The following LPCAT2 variants were observed in gnomAD, a reference collection of about 807,000 sequenced individuals.
LPCAT2 encodes lysophosphatidylcholine acyltransferase 2, also known as 1-AGP acyltransferase 11.
A neutral mutation model predicts 64.7 loss-of-function variants in LPCAT2; 58 were observed. The ratio of observed to expected loss-of-function variants is 0.90; its 90% confidence interval spans 0.73 to 1.12. The LOEUF (loss-of-function observed/expected upper bound fraction) is 1.12. LPCAT2 is among the 50% of genes most tolerant of loss of function. The pLI is 0.00. For synonymous variants in LPCAT2, 252 were observed against 245.3 expected (o/e 1.03, Z -0.26); for missense variants, 579 against 669.8 (o/e 0.86, Z 1.50).
At position 55,545,775 on chromosome 16, in the gene LPCAT2, A is replaced by G. The variant is rs1205088539; in HGVS notation, c.893A>G (p.Asp298Gly). 1 of 1,613,424 alleles carries G rather than the reference A, an allele frequency of 6.2e-7. No individual in the cohort carries two copies. Among genetic ancestry groups the G allele is most frequent in the Admixed American group, 1.7e-5 (1 of 59,930 alleles). ...GTACCAAATGATGAAGAAAAAAATG[A>G]TCCTGTCCTTTTTGCCAATAAAGTC... is the stretch of plus-strand genomic sequence containing the variant. ...VQVPNDEEKN[D>G]PVLFANKVRN... Residue 298 changes from aspartate (D) to glycine (G), a missense_variant, in exon 9 of 14, where the codon GAT (aspartate) becomes GGT (glycine). Physicochemically the swap from Asp to Gly is moderately conservative, Grantham distance 94. Coordinates refer to ENST00000262134, the MANE Select transcript of LPCAT2 (RefSeq NM_017839.5).
intron 8 of LPCAT2, among the ~76,000 whole-genome samples, chr16:55,542,446 A>G (rs1963409095): frequency 1.3e-5 from 2 of 152,252 alleles, no homozygotes; most frequent in South Asian, 4.1e-4. Context: ...GTGAAGTACC[A>G]TTTGTACCTC....
intron 1 of LPCAT2, among the ~76,000 whole-genome samples, chr16:55,518,816 A>G (rs1423104246): frequency 5.3e-5 from 8 of 152,232 alleles, no homozygotes; most frequent in African/African-American, 1.9e-4. Flanking sequence ...AGTTAAAATC[A>G]TAAAATGCTT....
At chr16:55,573,982 T>C (rs1018643940) in intron 11 of LPCAT2, among the ~76,000 whole-genome samples, 4 of 152,176 alleles carry the variant, frequency 2.6e-5, no homozygotes, top group African/African-American at 9.7e-5. Flanking sequence ...TCTTCCCTTA[T>C]ATTGCCATCA....
intron 8 of LPCAT2, 118 bp downstream of exon 8, chr16:55,537,750 T>C: frequency 1.3e-6 from 1 of 766,024 alleles, no homozygotes; most frequent in Admixed American, 2.5e-5. Context: ...ACAAATTGTG[T>C]ATATAAACCT....
intron 7 of LPCAT2, among the ~76,000 whole-genome samples, chr16:55,536,218 T>TA (rs1853123355): frequency 6.6e-6 from 1 of 152,198 alleles, no homozygotes; most frequent in East Asian, 1.9e-4. Flanking sequence ...AAACAGATTT[T>TA]ATACCAAAAC....
chr16:55,509,306 A>G lies in LPCAT2; in HGVS notation c.125A>G (p.Asn42Ser). ...TCCTTCTTCCCGCCGCCGGTGCCGA[A>G]CCCCTTCGTGCAGCAGACGCAGATC... ...QASFFPPPVP[N>S]PFVQQTQIGS... Residue 42 changes from asparagine (N) to serine (S), a missense_variant, in exon 1 of 14, where the codon AAC becomes AGC. Transcript: ENST00000262134. 2 of 1,502,110 alleles carry G rather than the reference A, an allele frequency of 1.3e-6. No homozygotes were observed. Among genetic ancestry groups the G allele is most frequent in the Admixed American group, 4.0e-5 (2 of 49,854 alleles). 93.0% of individuals were successfully genotyped at this position (1,502,110 alleles called of 1,614,324 possible). A position where few individuals can be genotyped will look rare whatever the true frequency, so the allele number is the denominator to read the frequency against.
In LPCAT2 at chr16:55,525,700, A is replaced by C. The variant is rs539454943; in HGVS notation, c.311+53A>C. The stretch of plus-strand genomic sequence containing the variant: ...AGGACATAATATTAAATTAAGATAT[A>C]CTAAATCAATATAAGAAGAGTTCAT... On this transcript the variant is annotated intron_variant, in intron 2 of 13. Coordinates refer to ENST00000262134, the MANE Select transcript of LPCAT2 (RefSeq NM_017839.5). 211 of 1,375,366 alleles carry C rather than the reference A, an allele frequency of 1.5e-4. 2 individuals carry two copies. In the South Asian group the frequency reaches 3.2e-3, roughly 21 times the overall value. The allele number at this position is 1,375,366 out of a possible 1,614,324, so 85.2% of individuals were successfully genotyped here.
intron 1 of LPCAT2, among the ~76,000 whole-genome samples, chr16:55,524,052 A>G (rs1307925653): frequency 6.6e-6 from 1 of 151,876 alleles, no homozygotes; most frequent in Non-Finnish European, 1.5e-5. Flanking sequence ...GTTAAATAAC[A>G]TCTATGAGCC....
At chr16:55,539,616 C>G (rs1963371486) in intron 8 of LPCAT2, 1 of 152,126 alleles carries the variant, frequency 6.6e-6, no homozygotes, top group South Asian at 2.1e-4. Flanking sequence ...TGTATCCCAG[C>G]AGCCCTTCAG....
chr16:55,543,203 A>C (rs1475071057), intron 8 of LPCAT2, among the ~76,000 whole-genome samples: 1 of 152,214 alleles, frequency 6.6e-6, no homozygotes, highest in Non-Finnish European at 1.5e-5. Context: ...TGGGTGTCAA[A>C]TTTAGGATTT....
At chr16:55,543,690 TA>T (rs1441109219) in intron 8 of LPCAT2, among the ~76,000 whole-genome samples, 2 of 152,144 alleles carry the variant, frequency 1.3e-5, no homozygotes, top group Non-Finnish European at 2.9e-5. Flanking sequence ...TTTTCTATCT[TA>T]AAAAACAACT....
intron 2 of LPCAT2, among the ~76,000 whole-genome samples, chr16:55,527,115 A>T (rs1963181515): frequency 6.6e-6 from 1 of 152,186 alleles, no homozygotes; most frequent in Admixed American, 6.5e-5. Context: ...CTGGGAAAGT[A>T]TTGTGGTTTT....
intron 1 of LPCAT2, among the ~76,000 whole-genome samples, chr16:55,512,785 G>T (rs1193446145): frequency 1.3e-5 from 2 of 152,146 alleles, no homozygotes; most frequent in Non-Finnish European, 2.9e-5. Flanking sequence ...AATTAAGGGG[G>T]CCTTGGCAAA....
chr16:55,523,119 C>A (rs1427203760), intron 1 of LPCAT2, among the ~76,000 whole-genome samples: 1 of 151,296 alleles, frequency 6.6e-6, no homozygotes, highest in Non-Finnish European at 1.5e-5. Flanking sequence ...GACTAACAAA[C>A]CAGTAAAAAT....
chr16:55,582,830 C>T (rs1440169864), intron 13 of LPCAT2, 84 bp from the exon 14 acceptor site: 4 of 834,936 alleles, frequency 4.8e-6, no homozygotes, highest in East Asian at 2.6e-5. Flanking sequence ...GTAATAATTG[C>T]ATTATTAGAG....
At chr16:55,532,319 CTT>C (rs1291734033) in intron 5 of LPCAT2, 10 of 181,978 alleles carry the variant, frequency 5.5e-5, no homozygotes, top group Non-Finnish European at 8.0e-5. Context: ...AGGTTCACCT[CTT>C]TTTTAACATT....
intron 11 of LPCAT2, among the ~76,000 whole-genome samples, chr16:55,562,192 C>T (rs753010414): frequency 5.3e-5 from 8 of 151,862 alleles, no homozygotes; most frequent in Non-Finnish European, 7.4e-5. Flanking sequence ...GCAATAGAGT[C>T]TCATCTCATT....
chr16:55,563,517 T>A (rs1963659642), intron 11 of LPCAT2, among the ~76,000 whole-genome samples: 1 of 151,950 alleles, frequency 6.6e-6, no homozygotes, highest in South Asian at 2.1e-4. Flanking sequence ...CATGATCAAG[T>A]GGGATTTATT....
Position 55,585,556 on chromosome 16 carries a change from A to G in LPCAT2, c.*2458A>G, listed in dbSNP as rs951556621. 1 of 152,224 alleles carries G rather than the reference A, an allele frequency of 6.6e-6. No homozygotes were observed. Among genetic ancestry groups the G allele is most frequent in the Non-Finnish European group, 1.5e-5 (1 of 68,046 alleles). 9.4% of individuals were successfully genotyped at this position (152,224 alleles called of 1,614,324 possible). A position where few individuals can be genotyped will look rare whatever the true frequency, so the allele number is the denominator to read the frequency against. On this transcript the variant is annotated 3_prime_UTR_variant, in exon 14 of 14. Coordinates refer to ENST00000262134, the MANE Select transcript of LPCAT2 (RefSeq NM_017839.5). ...ATGCACCATGGCTTCATATAGTAAT[A>G]TAAAAAAACTCTTTGAAGTGAGAAA...
Sources: gnomAD v4.1 joint callset for allele counts (sites outside exome capture counted in the v4.1 genomes callset) on GRCh38, gnomAD v4.1.1 for gene constraint, MANE v1.5 for transcripts, NCBI Gene and HGNC (gene_info 2026-07-23, HGNC 2026-07-21) for gene names.